Variants in PCDH9 observed in about 807,000 individuals in gnomAD.
The protein encoded by PCDH9 is protocadherin-9.
A neutral mutation model predicts 70.6 loss-of-function variants in PCDH9; 24 were observed. The ratio of observed to expected loss-of-function variants is 0.34; its 90% CI spans 0.25 to 0.48. PCDH9 has a LOEUF of 0.48. PCDH9 is among the 20% of genes least tolerant of loss of function. The probability of loss-of-function intolerance (pLI) is 0.99; values close to 1 mark genes in which losing one functional copy is unlikely to be tolerated. For synonymous variants in PCDH9, 562 were observed against 558.5 expected, an observed-to-expected ratio of 1.01 and a Z score of -0.09; for missense variants, 1,281 against 1,503.6, an observed-to-expected ratio of 0.85 and a Z score of 2.45.
chr13:66,340,758 C>T (rs951750036), intron 4 of PCDH9, among the ~76,000 whole-genome samples: 4 of 152,154 alleles, frequency 2.6e-5, no homozygotes, highest in East Asian at 1.9e-4. Context: ...CTGCTCAGAT[C>T]GCCTACCTGT....
At chr13:67,045,946 T>C (rs1319474295) in intron 2 of PCDH9, among the ~76,000 whole-genome samples, 2 of 152,120 alleles carry the variant, frequency 1.3e-5, no homozygotes, top group Non-Finnish European at 2.9e-5. Flanking sequence ...TCCTGAATGA[T>C]ACTTGAGCAT....
At chr13:67,203,252 T>C (rs1337261499) in intron 2 of PCDH9, 1 of 152,142 alleles carries the variant, frequency 6.6e-6, no homozygotes, top group Non-Finnish European at 1.5e-5. Context: ...AACAAATTTA[T>C]TGAAAGCTTA....
intron 2 of PCDH9, among the ~76,000 whole-genome samples, chr13:66,997,314 AG>A (rs897490765): frequency 7.2e-5 from 11 of 152,142 alleles, no homozygotes; most frequent in African/African-American, 2.7e-4. Context: ...AAGGGAAGCC[AG>A]CATATCACAT....
At chr13:66,635,257 C>A (rs1213083729) in intron 3 of PCDH9, among the ~76,000 whole-genome samples, 2 of 152,094 alleles carry the variant, frequency 1.3e-5, no homozygotes, top group East Asian at 3.9e-4. Flanking sequence ...ATTATTATTG[C>A]CTCTGTCCAG....
In PCDH9 at chr13:66,483,938, G is replaced by A. The variant is rs563241325; in HGVS notation, c.3340+147272C>T. ...GACACAAGGTGTTGTATGGCAATCGGACATCGAGGGGAGCACCCCCACATG... is the reference window on the plus strand; with the variant it reads ...GACACAAGGTGTTGTATGGCAATCGAACATCGAGGGGAGCACCCCCACATG... On this transcript the variant is annotated intron_variant, in intron 4 of 4. Transcript: ENST00000377865. Among the ~76,000 whole-genome samples, 19 of 152,174 alleles carry A rather than the reference G, an allele frequency of 1.2e-4. No individual in the cohort carries two copies. The East Asian group carries it at 3.1e-3, about 25-fold the overall frequency.
Position 67,052,282 on chromosome 13 carries a change from G to A in PCDH9, c.3037-148677C>T, listed in dbSNP as rs559671672. On this transcript the variant is annotated intron_variant, in intron 2 of 4. Transcript: ENST00000377865. Reference sequence around the variant, plus strand: ...CTGAGAAAGTGGCACTAAGGTGAGAGTATAAGTTAGCCCTTTAATAAGGGG... The same window carrying A: ...CTGAGAAAGTGGCACTAAGGTGAGAATATAAGTTAGCCCTTTAATAAGGGG... Among the ~76,000 whole-genome samples the A allele has an allele frequency of 6.6e-5, 10 of 152,206 alleles. No homozygotes were observed. The East Asian group carries it at 1.7e-3, about 27-fold the overall frequency.
chr13:67,120,187 A>AAATCATAAT, intron 2 of PCDH9, among the ~76,000 whole-genome samples: 1 of 143,740 alleles, frequency 7.0e-6, no homozygotes, highest in Non-Finnish European at 1.5e-5. Context: ...CTCATGCATT[A>AAATCATAAT]AATAATAATA....
At chr13:66,867,121 A>G (rs78810867) in intron 3 of PCDH9, among the ~76,000 whole-genome samples, 2,028 of 152,118 alleles carry the variant, frequency 0.013, 49 homozygotes, top group African/African-American at 0.047. Context: ...ACAGAAAGAG[A>G]AAACTAAAAG....
intron 4 of PCDH9, among the ~76,000 whole-genome samples, chr13:66,544,994 T>G (rs17081498): frequency 0.03 from 4,630 of 152,248 alleles, 208 homozygotes; most frequent in African/African-American, 0.1. Flanking sequence ...GCTGATCTAA[T>G]ATTACTTGGC....
chr13:66,311,735 T>C (rs1305644768), intron 4 of PCDH9, among the ~76,000 whole-genome samples: 2 of 152,154 alleles, frequency 1.3e-5, no homozygotes, highest in Admixed American at 1.3e-4. Flanking sequence ...ATGCCCACTT[T>C]ATTCTATGCC....
At chr13:66,735,504 A>G (rs1030904357) in intron 3 of PCDH9, among the ~76,000 whole-genome samples, 1 of 152,176 alleles carries the variant, frequency 6.6e-6, no homozygotes, top group African/African-American at 2.4e-5. Context: ...AGTAAATTTA[A>G]TAGAATCATA....
intron 2 of PCDH9, among the ~76,000 whole-genome samples, chr13:66,922,562 T>G (rs1170472260): frequency 6.6e-6 from 1 of 151,452 alleles, no homozygotes; most frequent in Admixed American, 6.6e-5. Context: ...AGTAACTTCC[T>G]TATGTTCATA....
At chr13:67,005,032 A>T (rs2084323168) in intron 2 of PCDH9, among the ~76,000 whole-genome samples, 1 of 152,008 alleles carries the variant, frequency 6.6e-6, no homozygotes, top group African/African-American at 2.4e-5. Flanking sequence ...GCTGATATAA[A>T]ACTTAAGTCT....
chr13:66,683,197 CT>C (rs1186947962), intron 3 of PCDH9, among the ~76,000 whole-genome samples: 2 of 151,988 alleles, frequency 1.3e-5, no homozygotes, highest in Non-Finnish European at 2.9e-5. Context: ...TCCCATTCAT[CT>C]TTTTTTTCCT....
At chr13:66,391,348 G>A (rs993028905) in intron 4 of PCDH9, among the ~76,000 whole-genome samples, 2 of 152,274 alleles carry the variant, frequency 1.3e-5, no homozygotes, top group East Asian at 3.9e-4. Flanking sequence ...TGTTCCTAAT[G>A]AAAGTTGCAT....
chr13:66,758,668 T>A (rs6562473), intron 3 of PCDH9, among the ~76,000 whole-genome samples: 56,600 of 151,818 alleles, frequency 0.37, 10,827 homozygotes, highest in East Asian at 0.57. Context: ...TTTTCTCTTC[T>A]ATATATGAAA....
chr13:67,048,605 A>G (rs2085266597), intron 2 of PCDH9, among the ~76,000 whole-genome samples: 1 of 152,234 alleles, frequency 6.6e-6, no homozygotes, highest in South Asian at 2.1e-4. Context: ...AACAAAAGAT[A>G]ACAGTAAATG....
intron 2 of PCDH9, among the ~76,000 whole-genome samples, chr13:67,169,580 GA>G (rs1161167626): frequency 2.0e-5 from 3 of 152,056 alleles, no homozygotes; most frequent in Non-Finnish European, 4.4e-5. Context: ...AAACTAAAGG[GA>G]TTTTTTTGTA....
At chr13:66,377,545 GC>G (rs1206414577) in intron 4 of PCDH9, among the ~76,000 whole-genome samples, 1 of 152,154 alleles carries the variant, frequency 6.6e-6, no homozygotes, top group Non-Finnish European at 1.5e-5. Flanking sequence ...CAAAGTGTAT[GC>G]ATAACTCAAT....
Sources: allele counts gnomAD v4.1 joint callset (sites outside exome capture counted in the v4.1 genomes callset), GRCh38; gene constraint gnomAD v4.1.1; transcripts MANE v1.5; gene names NCBI Gene and HGNC (gene_info 2026-07-23, HGNC 2026-07-21).